The following KCTD5 variants were observed in gnomAD, a reference collection of about 807,000 sequenced individuals.
The protein encoded by KCTD5 is BTB/POZ domain-containing protein KCTD5.
In KCTD5, 12 loss-of-function variants were observed where a neutral mutation model predicts 27.9. That is an observed-to-expected ratio of 0.43 (90% CI 0.28 to 0.70). The LOEUF (loss-of-function observed/expected upper bound fraction) is 0.70, where lower values mean the gene tolerates loss of function less well. Among genes scored for constraint, KCTD5 ranks in the 30% least tolerant of loss-of-function variants. The pLI is 0.19. For synonymous variants in KCTD5, 147 were observed against 121.4 expected (o/e 1.21, Z -1.39); for missense variants, 226 against 274.8 (o/e 0.82, Z 1.26).
At chr16:2,702,644 G>A (rs183960699) in intron 5 of KCTD5, among the ~76,000 whole-genome samples, 166 bp downstream of exon 5, 2 of 152,294 alleles carry the variant, frequency 1.3e-5, no homozygotes, top group African/African-American at 4.8e-5. Flanking sequence ...AGGTTCTCTC[G>A]ACACAGGCTC....
At chr16:2,692,715 C>T (rs372638703) in intron 1 of KCTD5, among the ~76,000 whole-genome samples, 83 of 152,354 alleles carry the variant, frequency 5.4e-4, no homozygotes, top group Middle Eastern at 3.4e-3. Context: ...GGGGCCTTAC[C>T]GGGGACCTAC....
Position 2,707,490 on chromosome 16 carries a change from C to A in KCTD5, c.*163C>A. The A allele has an allele frequency of 1.3e-6, 1 of 783,188 alleles. No individual in the cohort carries two copies. The highest frequency in any genetic ancestry group is 2.2e-6 in the Non-Finnish European group (1 of 450,090). The allele number at this position is 783,188 out of a possible 1,614,324, so 48.5% of individuals were successfully genotyped here. ...TGCCTCTGAGGTGGGTGGTGAGAGA[C>A]GGGCCCAGCTGTCCAAGGCCAGACG... On this transcript the variant is annotated 3_prime_UTR_variant, in exon 6 of 6. Coordinates refer to ENST00000301738, the MANE Select transcript of KCTD5 (RefSeq NM_018992.4).
At chr16:2,688,365 C>G (rs1272127637) in intron 1 of KCTD5, among the ~76,000 whole-genome samples, 1 of 151,580 alleles carries the variant, frequency 6.6e-6, no homozygotes, top group Non-Finnish European at 1.5e-5. Flanking sequence ...TTTCTCCTGC[C>G]CCACCCTCCC....
At chr16:2,690,377 C>T (rs1233935207) in intron 1 of KCTD5, among the ~76,000 whole-genome samples, 2 of 152,272 alleles carry the variant, frequency 1.3e-5, no homozygotes, top group Non-Finnish European at 2.9e-5. Flanking sequence ...AGCCTGGGAC[C>T]TCTGGAGATG....
intron 1 of KCTD5, among the ~76,000 whole-genome samples, chr16:2,689,967 T>A (rs996845734): frequency 2.0e-5 from 3 of 152,246 alleles, no homozygotes; most frequent in Non-Finnish European, 4.4e-5. Context: ...TAAGCCACTG[T>A]GCCCAGCCCT....
intron 1 of KCTD5, 121 bp downstream of exon 1, chr16:2,682,921 G>GC: frequency 2.4e-6 from 3 of 1,251,232 alleles, no homozygotes; most frequent in Non-Finnish European, 3.2e-6. Context: ...CGGGCTTCGA[G>GC]CCCCGCGCTC....
chr16:2,691,259 C>T (rs143141254), intron 1 of KCTD5, among the ~76,000 whole-genome samples: 14 of 152,378 alleles, frequency 9.2e-5, no homozygotes, highest in African/African-American at 2.9e-4. Flanking sequence ...ACTGCCTCCC[C>T]GCCCTGGTGC....
Position 2,707,435 on chromosome 16 carries a change from T to G in KCTD5, c.*108T>G. 8.6e-7 allele frequency: 1 copy of G among 1,160,422 alleles called. No homozygotes were observed. Among genetic ancestry groups the G allele is most frequent in the Non-Finnish European group, 1.3e-6 (1 of 769,618 alleles). 71.9% of individuals were successfully genotyped at this position (1,160,422 alleles called of 1,614,324 possible). On this transcript the variant is annotated 3_prime_UTR_variant, in exon 6 of 6. Transcript: ENST00000301738. The stretch of plus-strand genomic sequence containing the variant: ...GAGAAGAAACCTGCTTTTGATCATT[T>G]TTCTAGAGATCTGGGTGTGAATCCT...
chr16:2,702,510 G>C (rs201376163), intron 5 of KCTD5, 32 bp downstream of exon 5: 36 of 1,606,792 alleles, frequency 2.2e-5, no homozygotes, highest in Non-Finnish European at 2.9e-5. Flanking sequence ...GCCTGGGGCA[G>C]TCTTGGGTGG....
chr16:2,683,015 C>T, intron 1 of KCTD5: 1 of 534,982 alleles, frequency 1.9e-6, no homozygotes, highest in Non-Finnish European at 3.2e-6. Context: ...CGTCCACTGC[C>T]TTTGAGGATC....
At chr16:2,699,495 C>T (rs879677941) in intron 3 of KCTD5, among the ~76,000 whole-genome samples, 1 of 152,232 alleles carries the variant, frequency 6.6e-6, no homozygotes, top group Admixed American at 6.5e-5. Context: ...CAGGGCTGCA[C>T]GGTTGCTGCG....
intron 1 of KCTD5, among the ~76,000 whole-genome samples, chr16:2,693,534 C>T (rs957092480): frequency 6.6e-6 from 1 of 152,232 alleles, no homozygotes; most frequent in Non-Finnish European, 1.5e-5. Flanking sequence ...CGCTCAGTGC[C>T]CTGCCGGCTC....
intron 4 of KCTD5, among the ~76,000 whole-genome samples, chr16:2,701,980 C>G (rs2067613943): frequency 6.6e-6 from 1 of 152,182 alleles, no homozygotes; most frequent in Non-Finnish European, 1.5e-5. Context: ...TGGTCCCAGG[C>G]TCTTCCCTCC....
chr16:2,702,633 C>G (rs1410277253), intron 5 of KCTD5, among the ~76,000 whole-genome samples, 155 bp downstream of exon 5: 1 of 152,216 alleles, frequency 6.6e-6, no homozygotes, highest in Non-Finnish European at 1.5e-5. Context: ...TCCCGTGGGA[C>G]AGGTTCTCTC....
intron 5 of KCTD5, among the ~76,000 whole-genome samples, chr16:2,706,891 C>T (rs1443151320): frequency 1.3e-4 from 4 of 31,114 alleles, no homozygotes; most frequent in African/African-American, 2.3e-4. Context: ...GTCCGGGCGT[C>T]GGGGTGGGGG....
At chr16:2,687,346 C>T (rs550342003) in intron 1 of KCTD5, among the ~76,000 whole-genome samples, 39 of 152,320 alleles carry the variant, frequency 2.6e-4, no homozygotes, top group African/African-American at 7.0e-4. Flanking sequence ...CCGCGGTCTT[C>T]GGCATTCTCG....
intron 2 of KCTD5, among the ~76,000 whole-genome samples, chr16:2,696,590 C>G (rs3112724): frequency 3.9e-5 from 6 of 152,240 alleles, no homozygotes; most frequent in African/African-American, 1.4e-4. Context: ...TGCTGCGGTG[C>G]TGGCTTGGCT....
intron 1 of KCTD5, among the ~76,000 whole-genome samples, chr16:2,689,685 T>TC (rs1003384966): frequency 1.3e-5 from 2 of 148,376 alleles, no homozygotes; most frequent in Non-Finnish European, 3.0e-5. Context: ...TTTCTTTTCT[T>TC]TTTTTTTTTT....
chr16:2,688,395 C>G (rs887057334), intron 1 of KCTD5, among the ~76,000 whole-genome samples: 2 of 151,772 alleles, frequency 1.3e-5, no homozygotes, highest in African/African-American at 4.8e-5. Context: ...GGATTACAGG[C>G]ACGAGCCACC....
Sources: gnomAD v4.1 joint callset for allele counts (sites outside exome capture counted in the v4.1 genomes callset) on GRCh38, gnomAD v4.1.1 for gene constraint, MANE v1.5 for transcripts, NCBI Gene and HGNC (gene_info 2026-07-23, HGNC 2026-07-21) for gene names.